SHROOM3: variants seen among roughly 807,000 people sequenced by gnomAD.
SHROOM3 encodes shroom family member 3, also known as protein Shroom3.
In SHROOM3, 47 loss-of-function variants were observed where a neutral mutation model predicts 138.6. The observed-to-expected ratio is 0.34, with a 90% confidence interval of 0.27 to 0.43. The LOEUF is 0.43. SHROOM3 is among the 20% of genes least tolerant of loss of function. The pLI is 1.00. For synonymous variants in SHROOM3, 1,062 were observed against 1,063.3 expected (o/e 1.00, Z 0.02); for missense variants, 2,491 against 2,596.5 (o/e 0.96, Z 0.88).
At chr4:76,600,098 G>A (rs1734475034) in intron 2 of SHROOM3, among the ~76,000 whole-genome samples, 1 of 152,184 alleles carries the variant, frequency 6.6e-6, no homozygotes, top group Admixed American at 6.5e-5. Context: ...GCTGCAGTGA[G>A]CCATGATTGT....
At chr4:76,615,142 G>A (rs1271420645) in intron 2 of SHROOM3, among the ~76,000 whole-genome samples, 1 of 152,214 alleles carries the variant, frequency 6.6e-6, no homozygotes, top group East Asian at 1.9e-4. Context: ...CAAAGTTCTA[G>A]CACATTTGAA....
intron 9 of SHROOM3, among the ~76,000 whole-genome samples, chr4:76,768,583 T>G (rs1722240219): frequency 6.6e-6 from 1 of 152,198 alleles, no homozygotes; most frequent in African/African-American, 2.4e-5. Context: ...TGATCTAGGC[T>G]CACTGCAAAC....
chr4:76,756,595 G>T lies in SHROOM3; in HGVS notation c.4856G>T (p.Ser1619Ile). The change falls in exon 8 of 11, where the codon AGC becomes ATC. Residue 1619 changes from serine (S) to isoleucine (I), a missense_variant. This residue lies in a region of SHROOM3 where 470 missense variants were observed against 595.0 expected (regional missense o/e 0.79). Coordinates refer to ENST00000296043, the MANE Select transcript of SHROOM3 (RefSeq NM_020859.4). ...EAESTPPSFMSVHAQLAGSLG... is the reference protein window; with the variant it reads ...EAESTPPSFMIVHAQLAGSLG... The stretch of plus-strand genomic sequence containing the variant: ...GAGTCCACACCACCCTCCTTCATGA[G>T]CGTTCACGCCCAACTTGCTGGGTCT... The T allele has an allele frequency of 4.3e-6, 7 of 1,613,212 alleles. No individual in the cohort carries two copies. The highest frequency in any genetic ancestry group is 1.7e-5 in the Admixed American group (1 of 59,890).
chr4:76,520,239 T>A (rs531037566), intron 1 of SHROOM3, among the ~76,000 whole-genome samples: 126 of 152,330 alleles, frequency 8.3e-4, no homozygotes, highest in Non-Finnish European at 1.3e-3. Flanking sequence ...AGAGAAATCA[T>A]CTAATCCCTC....
intron 1 of SHROOM3, among the ~76,000 whole-genome samples, chr4:76,547,326 G>A (rs1733242486): frequency 6.6e-6 from 1 of 152,192 alleles, no homozygotes; most frequent in African/African-American, 2.4e-5. Context: ...GTGCAACATG[G>A]AGCAAGTCAT....
intron 1 of SHROOM3, among the ~76,000 whole-genome samples, chr4:76,543,871 A>G (rs1318273953): frequency 6.6e-6 from 1 of 152,238 alleles, no homozygotes; most frequent in African/African-American, 2.4e-5. Flanking sequence ...ATTAATGACC[A>G]GCACTGTGTT....
At chr4:76,676,241 A>G (rs1560587930) in intron 2 of SHROOM3, among the ~76,000 whole-genome samples, 1 of 152,176 alleles carries the variant, frequency 6.6e-6, no homozygotes, top group Non-Finnish European at 1.5e-5. Flanking sequence ...GGGACTTACA[A>G]AAACAAAGGG....
intron 9 of SHROOM3, among the ~76,000 whole-genome samples, chr4:76,764,054 T>C (rs954741689): frequency 7.2e-5 from 11 of 152,232 alleles, no homozygotes; most frequent in African/African-American, 2.7e-4. Context: ...ACCTAAGATA[T>C]ATATCTAGGC....
intron 2 of SHROOM3, chr4:76,689,630 C>A: frequency 3.0e-6 from 3 of 985,258 alleles, no homozygotes; most frequent in Non-Finnish European, 3.6e-6. Flanking sequence ...GGAGCGGCGG[C>A]GAAGTTTGAA....
rs1004678483 is a variant in SHROOM3 at position 76,458,747 on chromosome 4, AGTTT to A, written c.168+22541_168+22544del. Among the ~76,000 whole-genome samples, 8 of 152,214 alleles carry A rather than the reference AGTTT, an allele frequency of 5.3e-5. No individual in the cohort carries two copies. In the South Asian group the frequency reaches 1.0e-3, roughly 20 times the overall value. On this transcript the variant is annotated intron_variant, in intron 1 of 10. Coordinates refer to ENST00000296043, the MANE Select transcript of SHROOM3 (RefSeq NM_020859.4). ...TTGGAAGTTCTGTGACCCTCTTTGT[AGTTT>A]GTTTGTTTGTTTGATGGAAGCATTT...
At chr4:76,476,231 T>C (rs1731482359) in intron 1 of SHROOM3, among the ~76,000 whole-genome samples, 1 of 152,118 alleles carries the variant, frequency 6.6e-6, no homozygotes, top group Non-Finnish European at 1.5e-5. Context: ...TGAAAACCCT[T>C]TGTTTTGAAG....
intron 1 of SHROOM3, among the ~76,000 whole-genome samples, chr4:76,524,879 AG>A (rs1732657223): frequency 6.6e-6 from 1 of 152,222 alleles, no homozygotes; most frequent in Non-Finnish European, 1.5e-5. Flanking sequence ...AGCAGGCCAA[AG>A]GTAGGCATGC....
intron 2 of SHROOM3, among the ~76,000 whole-genome samples, chr4:76,582,342 A>T (rs1459645973): frequency 6.6e-6 from 1 of 152,172 alleles, no homozygotes; most frequent in African/African-American, 2.4e-5. Flanking sequence ...ACACCTAGAG[A>T]ATAGTTTAAC....
intron 2 of SHROOM3, among the ~76,000 whole-genome samples, chr4:76,682,170 T>C (rs937667197): frequency 6.6e-6 from 1 of 152,218 alleles, no homozygotes; most frequent in Admixed American, 6.5e-5. Flanking sequence ...TTCTGTTGTG[T>C]TCCCTTGTTT....
At chr4:76,573,888 G>C (rs150867078) in intron 2 of SHROOM3, among the ~76,000 whole-genome samples, 1 of 152,276 alleles carries the variant, frequency 6.6e-6, no homozygotes, top group Non-Finnish European at 1.5e-5. Context: ...AAGTCTGCTG[G>C]TTGCCGTCTG....
chr4:76,512,500 CTTCTTCACTTCCGCAGGA>C (rs1402584320), intron 1 of SHROOM3, among the ~76,000 whole-genome samples: 1 of 152,208 alleles, frequency 6.6e-6, no homozygotes, highest in Admixed American at 6.5e-5. Flanking sequence ...ACAATGTGGG[CTTCTTCACTTCCGCAGGA>C]TTCTACCTGC....
intron 1 of SHROOM3, among the ~76,000 whole-genome samples, chr4:76,465,455 A>G (rs1360448156): frequency 3.9e-5 from 6 of 152,312 alleles, no homozygotes; most frequent in African/African-American, 7.2e-5. Context: ...TGCCTCTTAC[A>G]GTAGGCAATC....
intron 3 of SHROOM3, among the ~76,000 whole-genome samples, chr4:76,711,377 AG>A (rs1263935450): frequency 6.6e-6 from 1 of 152,242 alleles, no homozygotes; most frequent in African/African-American, 2.4e-5. Flanking sequence ...ATGTTATCAT[AG>A]TAACCAATTA....
intron 1 of SHROOM3, among the ~76,000 whole-genome samples, chr4:76,468,152 A>AT (rs1169912892): frequency 6.6e-6 from 1 of 152,350 alleles, no homozygotes; most frequent in East Asian, 1.9e-4. Flanking sequence ...GCTGGAACTA[A>AT]TTTTTGCCTA....
Sources: gnomAD v4.1 joint callset for allele counts (sites outside exome capture counted in the v4.1 genomes callset) on GRCh38, gnomAD v4.1.1 for gene constraint, gnomAD v4.1.1 regional missense constraint, MANE v1.5 for transcripts, NCBI Gene and HGNC (gene_info 2026-07-23, HGNC 2026-07-21) for gene names.